AKR1B15: variants seen among roughly 807,000 people sequenced by gnomAD.
The protein encoded by AKR1B15 is estradiol 17-beta-dehydrogenase AKR1B15.
In AKR1B15, 49 loss-of-function variants were observed where a neutral mutation model predicts 38.5. The observed-to-expected ratio is 1.27, with a 90% CI of 1.01 to 1.62. The LOEUF (loss-of-function observed/expected upper bound fraction) is 1.62. Ranked by LOEUF, AKR1B15 falls within the 40% of genes most tolerant of loss-of-function variation. The probability of loss-of-function intolerance (pLI) is 0.00; values close to 1 mark genes in which losing one functional copy is unlikely to be tolerated. For synonymous variants in AKR1B15, 137 were observed against 135.5 expected, an observed-to-expected ratio of 1.01 and a Z score of -0.08; for missense variants, 411 against 381.6, an observed-to-expected ratio of 1.08 and a Z score of -0.64.
intron 3 of AKR1B15, among the ~76,000 whole-genome samples, chr7:134,566,841 C>T (rs1230746390): frequency 1.3e-5 from 2 of 152,184 alleles, no homozygotes; most frequent in Non-Finnish European, 2.9e-5. Context: ...TCGATTCATA[C>T]ATACTGACTC....
chr7:134,563,267 C>T (rs1794462212), intron 2 of AKR1B15, among the ~76,000 whole-genome samples: 1 of 152,156 alleles, frequency 6.6e-6, no homozygotes, highest in Non-Finnish European at 1.5e-5. Flanking sequence ...GCAGCTAGCA[C>T]AAGCCTTCTA....
In AKR1B15 at chr7:134,574,165, G is replaced by A. The variant is rs1585813232; in HGVS notation, c.514-1255G>A. ...CTGTCTCAGCCTCCCAAAGTGCTGAGATTAGTCATGAGCCACTGCATCCAG... is the reference window on the plus strand; with the variant it reads ...CTGTCTCAGCCTCCCAAAGTGCTGAAATTAGTCATGAGCCACTGCATCCAG... On this transcript the variant is annotated intron_variant, in intron 6 of 11. Coordinates refer to ENST00000457545, the MANE Select transcript of AKR1B15 (RefSeq NM_001080538.3). Among the ~76,000 whole-genome samples, 5 of 152,292 alleles carry A rather than the reference G, an allele frequency of 3.3e-5. No homozygotes were observed. In the South Asian group the frequency reaches 1.0e-3, roughly 32 times the overall value.
At chr7:134,550,889 A>G (rs1240930734) in intron 1 of AKR1B15, among the ~76,000 whole-genome samples, 2 of 152,152 alleles carry the variant, frequency 1.3e-5, no homozygotes, top group African/African-American at 4.8e-5. Flanking sequence ...GGGTCACTAC[A>G]CTTCACAGCT....
chr7:134,559,616 TTTTC>T (rs1213867844), intron 2 of AKR1B15, among the ~76,000 whole-genome samples: 2 of 152,186 alleles, frequency 1.3e-5, no homozygotes, highest in African/African-American at 4.8e-5. Context: ...CTTCGTTCAT[TTTTC>T]TTTGACAAAA....
chr7:134,569,233 A>G (rs1329825505), intron 4 of AKR1B15, among the ~76,000 whole-genome samples, 180 bp from the exon 5 acceptor site: 2 of 152,196 alleles, frequency 1.3e-5, no homozygotes, highest in African/African-American at 4.8e-5. Flanking sequence ...AACTTAAGAC[A>G]TGTCATTGAG....
rs192524871 is a variant in AKR1B15, at chr7:134,577,057, G to A, written c.909+11G>A. 2.3e-4 allele frequency: 371 copies of A among 1,609,788 alleles called. No individual in the cohort carries two copies. Among genetic ancestry groups the A allele is most frequent in the African/African-American group, 1.2e-4 (9 of 74,912 alleles). ...GTTGAGAACATTCAGGTAAGTTTCC[G>A]GCTGGTCGGGCCTGGTATTCCTCAG... On this transcript the variant is annotated intron_variant, in intron 10 of 11. Transcript: ENST00000457545.
chr7:134,579,103 C>T lies in AKR1B15; in HGVS notation c.993-404C>T, dbSNP rs1158757631. ...GCAGCTAACATCCATTGAACCTTAG[C>T]TTAGAATGTGCCAGGGTCCTGAGCC... On this transcript the variant is annotated intron_variant, in intron 11 of 11. Coordinates refer to ENST00000457545, the MANE Select transcript of AKR1B15 (RefSeq NM_001080538.3). Among the ~76,000 whole-genome samples, 4 of 152,298 alleles carry T rather than the reference C, an allele frequency of 2.6e-5. No individual in the cohort carries two copies. In the South Asian group the frequency reaches 6.2e-4, roughly 24 times the overall value.
chr7:134,571,789 A>G (rs1405281684), intron 6 of AKR1B15, 108 bp downstream of exon 6: 38 of 876,572 alleles, frequency 4.3e-5, no homozygotes, highest in Non-Finnish European at 6.8e-5. Context: ...TAATTTCATC[A>G]TTGTGATTCT....
chr7:134,573,117 C>T (rs530382063), intron 6 of AKR1B15, among the ~76,000 whole-genome samples: 3 of 152,318 alleles, frequency 2.0e-5, no homozygotes, highest in South Asian at 4.1e-4. Flanking sequence ...TACAACCTCC[C>T]TCTACCAAGT....
chr7:134,563,373 G>T (rs762168384), intron 2 of AKR1B15, among the ~76,000 whole-genome samples: 6 of 152,110 alleles, frequency 3.9e-5, no homozygotes, highest in Non-Finnish European at 8.8e-5. Flanking sequence ...TTTGAAACCA[G>T]TCTGTCTCTA....
At chr7:134,569,738 T>G (rs1438814323) in intron 5 of AKR1B15, 6 of 519,356 alleles carry the variant, frequency 1.2e-5, no homozygotes, top group African/African-American at 1.1e-4. Context: ...GAAGATTTCA[T>G]GAACATTTAT....
chr7:134,579,566 G>A lies in AKR1B15; in HGVS notation c.*17G>A, dbSNP rs754743243. On this transcript the variant is annotated 3_prime_UTR_variant, in exon 12 of 12. Transcript: ENST00000457545. ...GAATATTGAGGTTGAATCTCCTGGT[G>A]AGATTACACAGGGGATTCTCTTTCT... is the stretch of plus-strand genomic sequence containing the variant. 6.3e-7 allele frequency: 1 copy of A among 1,585,698 alleles called. No individual in the cohort carries two copies. The highest frequency in any genetic ancestry group is 1.2e-5 in the South Asian group (1 of 86,216).
intron 5 of AKR1B15, among the ~76,000 whole-genome samples, chr7:134,570,793 C>T (rs1794652064): frequency 6.6e-6 from 1 of 152,116 alleles, no homozygotes; most frequent in Non-Finnish European, 1.5e-5. Flanking sequence ...GGAAGGGAGG[C>T]TAAGGCCATG....
intron 2 of AKR1B15, among the ~76,000 whole-genome samples, chr7:134,562,846 CTT>C (rs772363029): frequency 2.2e-5 from 2 of 91,806 alleles, no homozygotes; most frequent in African/African-American, 5.6e-5. Context: ...TTCTTTCTTT[CTT>C]TCTTTCTTTC....
chr7:134,555,095 A>G (rs1158849052), intron 1 of AKR1B15, among the ~76,000 whole-genome samples: 1 of 152,190 alleles, frequency 6.6e-6, no homozygotes, highest in Non-Finnish European at 1.5e-5. Flanking sequence ...CATGTATGGA[A>G]GGGCTCCGCC....
intron 4 of AKR1B15, among the ~76,000 whole-genome samples, chr7:134,568,738 A>C (rs749054220): frequency 6.6e-6 from 1 of 152,258 alleles, no homozygotes; most frequent in East Asian, 1.9e-4. Flanking sequence ...GCACTTTTCT[A>C]TTATCACATG....
At chr7:134,562,572 A>G (rs189233266) in intron 2 of AKR1B15, among the ~76,000 whole-genome samples, 117 of 152,216 alleles carry the variant, frequency 7.7e-4, no homozygotes, top group African/African-American at 2.7e-3. Flanking sequence ...ACCTCTAGCT[A>G]GCCACAGAGC....
At chr7:134,575,600 G>T in intron 7 of AKR1B15, 58 bp downstream of exon 7, 1 of 1,605,818 alleles carries the variant, frequency 6.2e-7, no homozygotes, top group African/African-American at 1.3e-5. Flanking sequence ...TAAACATTGC[G>T]GGGGGAATGT....
In AKR1B15 at chr7:134,566,063, A is replaced by G. The variant is rs180699656; in HGVS notation, c.150+1294A>G. Among the ~76,000 whole-genome samples the G allele has an allele frequency of 2.2e-4, 33 of 152,276 alleles. 1 individual carries two copies. The highest frequency in any genetic ancestry group is 1.9e-3 in the Admixed American group (29 of 15,296). ...AATCCCAGCACTTTGGGAGATCCAG[A>G]CGAGAGGACTGCTTAAGCCCAGGAG... On this transcript the variant is annotated intron_variant, in intron 3 of 11. Coordinates refer to ENST00000457545, the MANE Select transcript of AKR1B15 (RefSeq NM_001080538.3).
Sources: allele counts gnomAD v4.1 joint callset (sites outside exome capture counted in the v4.1 genomes callset), GRCh38; gene constraint gnomAD v4.1.1; transcripts MANE v1.5; gene names NCBI Gene and HGNC (gene_info 2026-07-23, HGNC 2026-07-21).